Variants in MTHFD1L observed in about 807,000 individuals in gnomAD.
MTHFD1L encodes the protein monofunctional C1-tetrahydrofolate synthase, mitochondrial.
MTHFD1L carries 81 observed loss-of-function variants against 119.5 expected under a neutral mutation model. The ratio of observed to expected loss-of-function variants is 0.68; its 90% CI spans 0.57 to 0.82. The LOEUF is 0.82. Among genes scored for constraint, MTHFD1L ranks in the 40% least tolerant of loss-of-function variants. The pLI is 0.00. For synonymous variants in MTHFD1L, 430 were observed against 475.2 expected (o/e 0.90, Z 1.24); for missense variants, 1,125 against 1,253.4 (o/e 0.90, Z 1.55).
chr6:150,988,213 A>T (rs759133700), intron 20 of MTHFD1L, among the ~76,000 whole-genome samples: 1 of 152,250 alleles, frequency 6.6e-6, no homozygotes, highest in African/African-American at 2.4e-5. Flanking sequence ...AAGTTTTGAA[A>T]TTCATAAAAT....
intron 20 of MTHFD1L, among the ~76,000 whole-genome samples, chr6:151,000,623 T>C (rs901507361): frequency 2.6e-5 from 4 of 152,252 alleles, no homozygotes; most frequent in African/African-American, 9.6e-5. Flanking sequence ...ATTTCTCTTA[T>C]AGTTAATTGA....
intron 7 of MTHFD1L, among the ~76,000 whole-genome samples, chr6:150,893,452 C>G (rs1352840790): frequency 6.6e-6 from 1 of 151,364 alleles, no homozygotes; most frequent in Non-Finnish European, 1.5e-5. Flanking sequence ...TCCTTATTGG[C>G]AATGGTAAAA....
chr6:150,944,356 G>C, intron 13 of MTHFD1L, 130 bp from the exon 14 acceptor site: 1 of 679,632 alleles, frequency 1.5e-6, no homozygotes. Flanking sequence ...GCTTAGGTGA[G>C]AGGATTGCTT....
Position 151,015,635 on chromosome 6 carries a change from G to A in MTHFD1L, c.2528G>A (p.Arg843Gln), listed in dbSNP as rs777557719. 18 of 1,614,110 alleles carry A rather than the reference G, an allele frequency of 1.1e-5. No homozygotes were observed. Among genetic ancestry groups the A allele is most frequent in the East Asian group, 2.2e-5 (1 of 44,874 alleles). ...GGAAAAGGATCGGTGGACTTGGCTC[G>A]GGCTGTGAGAGAGGCTGCGAGTAAA... is the stretch of plus-strand genomic sequence containing the variant. The part of the protein sequence containing the change: ...VGGKGSVDLA[R>Q]AVREAASKRS... Residue 843 changes from arginine (R) to glutamine (Q), a missense_variant, in exon 24 of 28, where the codon CGG becomes CAG. Transcript: ENST00000367321.
intron 26 of MTHFD1L, among the ~76,000 whole-genome samples, chr6:151,088,746 T>C (rs1488774471): frequency 6.6e-6 from 1 of 151,394 alleles, no homozygotes; most frequent in Non-Finnish European, 1.5e-5. Context: ...CATGAGCCAC[T>C]GCGCCCGGCC....
chr6:150,973,593 C>T (rs1406528421), intron 20 of MTHFD1L, among the ~76,000 whole-genome samples: 2 of 152,194 alleles, frequency 1.3e-5, no homozygotes, highest in African/African-American at 4.8e-5. Context: ...TTTATGCTGA[C>T]AGAGATCTCT....
At chr6:151,001,915 A>T (rs9478909) in intron 20 of MTHFD1L, among the ~76,000 whole-genome samples, 35,267 of 151,982 alleles carry the variant, frequency 0.23, 4,165 homozygotes, top group Middle Eastern at 0.31. Context: ...GACAACAAGC[A>T]CTCTGACTTA....
intron 7 of MTHFD1L, among the ~76,000 whole-genome samples, chr6:150,892,080 G>A (rs1689614087): frequency 6.6e-6 from 1 of 152,204 alleles, no homozygotes; most frequent in Non-Finnish European, 1.5e-5. Flanking sequence ...GTTTTTAGCA[G>A]TCACCACATG....
At chr6:151,072,114 C>T (rs952494461) in intron 26 of MTHFD1L, among the ~76,000 whole-genome samples, 2 of 152,052 alleles carry the variant, frequency 1.3e-5, no homozygotes, top group African/African-American at 2.4e-5. Context: ...CAGGCGTGAG[C>T]CACCACGCCC....
At chr6:150,892,352 G>A (rs1335745173) in intron 7 of MTHFD1L, among the ~76,000 whole-genome samples, 1 of 152,194 alleles carries the variant, frequency 6.6e-6, no homozygotes, top group Non-Finnish European at 1.5e-5. Flanking sequence ...CCTTGTCTCT[G>A]TACTTTGGGA....
At chr6:150,866,201 CGCGGGCTTGGGCACT>C in intron 1 of MTHFD1L, 152 bp downstream of exon 1, 3 of 1,363,862 alleles carry the variant, frequency 2.2e-6, no homozygotes, top group Non-Finnish European at 2.9e-6. Flanking sequence ...TGTCGGGAAA[CGCGGGCTTGGGCACT>C]GCGGCCGGGA....
chr6:150,896,592 G>A (rs2128810524), intron 7 of MTHFD1L, among the ~76,000 whole-genome samples: 1 of 152,268 alleles, frequency 6.6e-6, no homozygotes, highest in South Asian at 2.1e-4. Context: ...AATAGTGTTG[G>A]CCCCTGAGCT....
intron 26 of MTHFD1L, chr6:151,054,915 A>T (rs761900995): frequency 2.6e-5 from 4 of 152,192 alleles, no homozygotes; most frequent in Admixed American, 6.5e-5. Flanking sequence ...GTAAAAATAC[A>T]TAGAAAAGCA....
At chr6:151,086,810 G>A (rs1217144249) in intron 26 of MTHFD1L, among the ~76,000 whole-genome samples, 5 of 152,250 alleles carry the variant, frequency 3.3e-5, no homozygotes, top group African/African-American at 7.2e-5. Flanking sequence ...GATTACAGGC[G>A]TGAACCACCA....
intron 20 of MTHFD1L, among the ~76,000 whole-genome samples, chr6:150,994,129 CT>C (rs199515084): frequency 0.012 from 1,451 of 125,598 alleles, 79 homozygotes; most frequent in African/African-American, 0.048. Flanking sequence ...GTTTATTTCT[CT>C]CTCACATCAA....
chr6:150,928,043 C>A lies in MTHFD1L; in HGVS notation c.1256+1748C>A, dbSNP rs193026268. Among the ~76,000 whole-genome samples the A allele has an allele frequency of 8.5e-5, 13 of 152,270 alleles. No homozygotes were observed. The East Asian group carries it at 2.3e-3, about 27-fold the overall frequency. ...CATTTTAAACTGCTAGAATTAACAACCTTGGGCATGTGGATTTGTGCATCT... is the reference window on the plus strand; with the variant it reads ...CATTTTAAACTGCTAGAATTAACAAACTTGGGCATGTGGATTTGTGCATCT... On this transcript the variant is annotated intron_variant, in intron 11 of 27. Coordinates refer to ENST00000367321, the MANE Select transcript of MTHFD1L (RefSeq NM_015440.5).
chr6:150,980,590 AC>A (rs1214081038), intron 20 of MTHFD1L, among the ~76,000 whole-genome samples: 4 of 151,838 alleles, frequency 2.6e-5, no homozygotes, highest in Non-Finnish European at 5.9e-5. Context: ...TTAAAGAGAT[AC>A]GTTTAGCTGG....
intron 24 of MTHFD1L, among the ~76,000 whole-genome samples, chr6:151,027,917 TCAGGTTGTAGA>T (rs977606136): frequency 2.6e-5 from 4 of 152,154 alleles, no homozygotes; most frequent in Admixed American, 1.3e-4. Context: ...GGGTTGTAGC[TCAGGTTGTAGA>T]CAGTGCATTC....
chr6:151,001,566 T>C (rs1021513360), intron 20 of MTHFD1L, among the ~76,000 whole-genome samples: 3 of 152,134 alleles, frequency 2.0e-5, no homozygotes, highest in African/African-American at 7.2e-5. Context: ...TTGGGGTCAC[T>C]CATTTCCCAT....
Sources: gnomAD v4.1 joint callset for allele counts (sites outside exome capture counted in the v4.1 genomes callset) on GRCh38, gnomAD v4.1.1 for gene constraint, MANE v1.5 for transcripts, NCBI Gene and HGNC (gene_info 2026-07-23, HGNC 2026-07-21) for gene names.